PHF14: variants seen among roughly 807,000 people sequenced by gnomAD.
The protein encoded by PHF14 is PHD finger protein 14.
PHF14 carries 55 observed loss-of-function variants against 117.9 expected under a neutral mutation model. The observed-to-expected ratio is 0.47, with a 90% CI of 0.38 to 0.58. The LOEUF (loss-of-function observed/expected upper bound fraction) is 0.58. Among genes scored for constraint, PHF14 ranks in the 20% least tolerant of loss-of-function variants. The probability of loss-of-function intolerance (pLI) is 0.00; values close to 1 mark genes in which losing one functional copy is unlikely to be tolerated. For synonymous variants in PHF14, 409 were observed against 368.6 expected, an observed-to-expected ratio of 1.11 and a Z score of -1.26; for missense variants, 978 against 1,122.2, an observed-to-expected ratio of 0.87 and a Z score of 1.84.
chr7:11,114,318 A>T (rs1428796039), intron 17 of PHF14, among the ~76,000 whole-genome samples: 1 of 151,894 alleles, frequency 6.6e-6, no homozygotes, highest in East Asian at 1.9e-4. Context: ...ACCAGGGGAA[A>T]CTCTAAAATA....
intron 17 of PHF14, among the ~76,000 whole-genome samples, chr7:11,147,489 A>G (rs1054188390): frequency 1.3e-5 from 2 of 152,118 alleles, no homozygotes; most frequent in Admixed American, 1.3e-4. Context: ...CTCCACTACA[A>G]TGACTCTTGT....
chr7:11,036,986 G>T lies in PHF14; in HGVS notation c.1875G>T (p.Glu625Asp). 6.7e-7 allele frequency: 1 copy of T among 1,486,530 alleles called. No homozygotes were observed. The highest frequency in any genetic ancestry group is 1.3e-5 in the South Asian group (1 of 78,714). The allele number at this position is 1,486,530 out of a possible 1,614,324, so 92.1% of individuals were successfully genotyped here. The part of the protein sequence containing the change: ...LTADFVNYYF[E>D]RNMRMIQIQE... ...AAATTCGATATTTCATTTAAATAGA[G>T]AGAAATATGCGCATGATTCAAATTC... The change falls in exon 10 of 18, where the codon GAG (glutamate) becomes GAT (aspartate). Residue 625 changes from glutamate (E) to aspartate (D), a missense_variant and splice_region_variant. Physicochemically the swap from Glu to Asp is conservative, Grantham distance 45. Transcript: ENST00000634607.
intron 16 of PHF14, among the ~76,000 whole-genome samples, chr7:11,084,547 T>C (rs751911250): frequency 1.3e-5 from 2 of 151,856 alleles, no homozygotes; most frequent in Non-Finnish European, 2.9e-5. Context: ...TCTCAGTAAA[T>C]ATAGAACTAA....
intron 17 of PHF14, among the ~76,000 whole-genome samples, chr7:11,161,668 CTAAA>C (rs1789029362): frequency 9.7e-6 from 1 of 103,538 alleles, no homozygotes; most frequent in Non-Finnish European, 2.0e-5. Context: ...GGTAAAAACT[CTAAA>C]TAAAAATATT....
intron 5 of PHF14, 30 bp downstream of exon 5, chr7:11,013,936 GTTTGCTT>G: frequency 6.6e-7 from 1 of 1,512,930 alleles, no homozygotes; most frequent in South Asian, 1.2e-5. Flanking sequence ...TGGTTCATAT[GTTTGCTT>G]TATAATGTGT....
chr7:11,062,143 C>T (rs1785247779), intron 16 of PHF14, 58 bp downstream of exon 16: 1 of 1,431,878 alleles, frequency 7.0e-7, no homozygotes, highest in Middle Eastern at 1.8e-4. Context: ...TTTATTTTCT[C>T]ATCACAGAAA....
intron 5 of PHF14, among the ~76,000 whole-genome samples, chr7:11,014,278 A>C (rs1012329433): frequency 6.6e-6 from 1 of 152,196 alleles, no homozygotes; most frequent in African/African-American, 2.4e-5. Context: ...GTATAACTTT[A>C]TATCAGGAGA....
At chr7:11,045,350 G>C (rs760102521) in intron 13 of PHF14, among the ~76,000 whole-genome samples, 15 of 151,976 alleles carry the variant, frequency 9.9e-5, no homozygotes, top group Non-Finnish European at 1.9e-4. Flanking sequence ...TTTCATGACT[G>C]TGCCTTAGTC....
rs148773435 is a variant in PHF14 at position 11,091,371 on chromosome 7, G to A, written c.2655-19979G>A. ...GATGAGTTGGCTATATTTATTTTTT[G>A]GAGAAAAATATAATAGGTGAATAGA... On this transcript the variant is annotated intron_variant, in intron 16 of 17. Transcript: ENST00000634607. Among the ~76,000 whole-genome samples the A allele has an allele frequency of 4.6e-5, 7 of 152,164 alleles. No homozygotes were observed. The East Asian group carries it at 1.4e-3, about 29-fold the overall frequency.
rs781655467 is a variant in PHF14 at position 11,022,853 on chromosome 7, A to G, written c.1206-15A>G. The G allele has an allele frequency of 2.8e-6, 4 of 1,427,854 alleles. No homozygotes were observed. Among genetic ancestry groups the G allele is most frequent in the African/African-American group, 1.4e-5 (1 of 70,438 alleles). 88.4% of individuals were successfully genotyped at this position (1,427,854 alleles called of 1,614,324 possible). A position where few individuals can be genotyped will look rare whatever the true frequency, so the allele number is the denominator to read the frequency against. ...TTAAAAGATTTGATAGCAAAATCAT[A>G]TCTTCTCTTCTTAGATGGGTTCATA... On this transcript the variant is annotated splice_polypyrimidine_tract_variant and intron_variant, in intron 5 of 17. Coordinates refer to ENST00000634607, the MANE Select transcript of PHF14 (RefSeq NM_001007157.2).
intron 17 of PHF14, among the ~76,000 whole-genome samples, chr7:11,137,343 T>C (rs1788250544): frequency 6.6e-6 from 1 of 151,698 alleles, no homozygotes; most frequent in East Asian, 1.9e-4. Flanking sequence ...TGATCTTAAG[T>C]GCTTTTGTGT....
At chr7:11,092,213 T>C (rs79499497) in intron 16 of PHF14, among the ~76,000 whole-genome samples, 3,019 of 152,356 alleles carry the variant, frequency 0.02, 41 homozygotes, top group Middle Eastern at 0.044. Context: ...TCTATTCCTT[T>C]TTCTTTGTGG....
chr7:11,152,992 C>G (rs1207939749), intron 17 of PHF14, among the ~76,000 whole-genome samples: 1 of 152,090 alleles, frequency 6.6e-6, no homozygotes. Flanking sequence ...GTCAGAAGGG[C>G]CTGATGATGT....
At chr7:11,058,596 T>A (rs1583421501) in intron 14 of PHF14, among the ~76,000 whole-genome samples, 1 of 152,230 alleles carries the variant, frequency 6.6e-6, no homozygotes, top group South Asian at 2.1e-4. Context: ...CCAAATTATG[T>A]AGACTATAGT....
rs1480206361 is a variant in PHF14 at position 10,990,695 on chromosome 7, A to G, written c.901-8A>G. 1 of 1,477,766 alleles carries G rather than the reference A, an allele frequency of 6.8e-7. No individual in the cohort carries two copies. Among genetic ancestry groups the G allele is most frequent in the East Asian group, 2.5e-5 (1 of 40,388 alleles). The allele number at this position is 1,477,766 out of a possible 1,614,324, so 91.5% of individuals were successfully genotyped here. On this transcript the variant is annotated splice_polypyrimidine_tract_variant and splice_region_variant and intron_variant, in intron 3 of 17. Transcript: ENST00000634607. ...ATTTTCTGATATATGTTAATATTTT[A>G]ATATTAGGACTCGCTGATTCTTGAG...
At chr7:11,073,638 C>G (rs958388215) in intron 16 of PHF14, among the ~76,000 whole-genome samples, 2 of 152,318 alleles carry the variant, frequency 1.3e-5, no homozygotes. Flanking sequence ...CTTCCCACAG[C>G]TCCACCAGGT....
At chr7:11,015,432 G>A (rs1022789422) in intron 5 of PHF14, among the ~76,000 whole-genome samples, 3 of 152,132 alleles carry the variant, frequency 2.0e-5, no homozygotes, top group African/African-American at 4.8e-5. Context: ...ATGATTTGAT[G>A]TATTGACATG....
At chr7:11,121,506 T>C (rs574883658) in intron 17 of PHF14, among the ~76,000 whole-genome samples, 10 of 152,298 alleles carry the variant, frequency 6.6e-5, no homozygotes, top group Non-Finnish European at 1.5e-4. Context: ...CCCTAGAAGA[T>C]GCCTTAAACC....
intron 6 of PHF14, among the ~76,000 whole-genome samples, chr7:11,025,717 C>T (rs1783884293): frequency 6.6e-6 from 1 of 152,102 alleles, no homozygotes; most frequent in African/African-American, 2.4e-5. Flanking sequence ...ATGGCGTGAA[C>T]CCGGGAGGCA....
Sources: gnomAD v4.1 joint callset for allele counts (sites outside exome capture counted in the v4.1 genomes callset) on GRCh38, gnomAD v4.1.1 for gene constraint, MANE v1.5 for transcripts, NCBI Gene and HGNC (gene_info 2026-07-23, HGNC 2026-07-21) for gene names.